DNAJC28: variants seen among roughly 807,000 people sequenced by gnomAD.
DNAJC28 encodes DnaJ heat shock protein family (Hsp40) member C28.
A neutral mutation model predicts 33.3 loss-of-function variants in DNAJC28; 24 were observed. That is an observed-to-expected ratio of 0.72 (90% CI 0.52 to 1.01). DNAJC28 has a LOEUF of 1.01. Among genes scored for constraint, DNAJC28 ranks in the 50% least tolerant of loss-of-function variants. The pLI is 0.00. For synonymous variants in DNAJC28, 120 were observed against 147.2 expected (o/e 0.82, Z 1.34); for missense variants, 442 against 455.2 (o/e 0.97, Z 0.26).
In DNAJC28 at chr21:33,488,112, A is replaced by G. The variant is rs1303764040; in HGVS notation, c.*115T>C. On this transcript the variant is annotated 3_prime_UTR_variant, in exon 2 of 2. Coordinates refer to ENST00000381947, the MANE Select transcript of DNAJC28 (RefSeq NM_001040192.3). ...TCACTCACACATCATTGGCTATGTG[A>G]TTAGTTTTGTGATAAGTACAATGGC... 5 of 828,014 alleles carry G rather than the reference A, an allele frequency of 6.0e-6. No homozygotes were observed. Among genetic ancestry groups the G allele is most frequent in the Non-Finnish European group, 8.8e-6 (5 of 565,510 alleles). The allele number at this position is 828,014 out of a possible 1,614,324, so 51.3% of individuals were successfully genotyped here.
At position 33,488,736 on chromosome 21, in the gene DNAJC28, G is replaced by A. The variant is rs2084488304; in HGVS notation, c.658C>T (p.Leu220Phe). The part of the protein sequence containing the change: ...ESMAKGDFDN[L>F]SGKGKPLKKF... Reference sequence around the variant, plus strand: ...TTCAGAGGTTTTCCTTTCCCACTGAGATTGTCAAAGTCTCCTTTTGCCATG... The same window carrying A: ...TTCAGAGGTTTTCCTTTCCCACTGAAATTGTCAAAGTCTCCTTTTGCCATG... The change falls in exon 2 of 2, where the codon CTC becomes TTC. Residue 220 changes from leucine to phenylalanine, a missense_variant. Physicochemically the swap from Leu to Phe is conservative, Grantham distance 22 (BLOSUM62 0). Transcript: ENST00000381947. The A allele has an allele frequency of 1.2e-6, 2 of 1,611,702 alleles. No homozygotes were observed. Among genetic ancestry groups the A allele is most frequent in the East Asian group, 2.2e-5 (1 of 44,876 alleles).
At position 33,488,089 on chromosome 21, in the gene DNAJC28, A is replaced by G; in HGVS notation, c.*138T>C. On this transcript the variant is annotated 3_prime_UTR_variant, in exon 2 of 2. Transcript: ENST00000381947. ...TCAGGACAAACCTGATAGGTTTCTC[A>G]CTCACACATCATTGGCTATGTGATT... 1.5e-6 allele frequency: 1 copy of G among 682,702 alleles called. No homozygotes were observed. The highest frequency in any genetic ancestry group is 3.7e-5 in the Admixed American group (1 of 26,784). The allele number at this position is 682,702 out of a possible 1,614,324, so 42.3% of individuals were successfully genotyped here. A position where few individuals can be genotyped will look rare whatever the true frequency, so the allele number is the denominator to read the frequency against.
chr21:33,489,818 G>C (rs2084505803), intron 1 of DNAJC28, among the ~76,000 whole-genome samples: 1 of 130,746 alleles, frequency 7.6e-6, no homozygotes, highest in East Asian at 2.2e-4. Context: ...GTCTGAGACA[G>C]GGTCTTGCTC....
At position 33,488,587 on chromosome 21, in the gene DNAJC28, T is replaced by G. The variant is rs146746889; in HGVS notation, c.807A>C (p.Gln269His). 3.3e-5 allele frequency: 53 copies of G among 1,613,792 alleles called. No individual in the cohort carries two copies. The African/African-American group carries it at 6.4e-4, about 19-fold the overall frequency. The change falls in exon 2 of 2, where the codon CAA (glutamine) becomes CAC (histidine). Residue 269 changes from glutamine to histidine, a missense_variant. By Grantham distance (24) the Gln-to-His change is conservative. Transcript: ENST00000381947. ...TAGACACTAAAATTGCCTCTCTGAG[T>G]TGCTCAATAGTATCGCTTATTTCCT... ...KQKEISDTIE[Q>H]LREAILVSRK...
At position 33,488,262 on chromosome 21, in the gene DNAJC28, T is replaced by A. The variant is rs552657108; in HGVS notation, c.1132A>T (p.Asn378Tyr). 3 of 1,521,782 alleles carry A rather than the reference T, an allele frequency of 2.0e-6. No individual in the cohort carries two copies. The South Asian group carries it at 4.1e-5, about 21-fold the overall frequency. The allele number at this position is 1,521,782 out of a possible 1,614,324, so 94.3% of individuals were successfully genotyped here. The change falls in exon 2 of 2, where the codon AAT becomes TAT. Residue 378 changes from asparagine to tyrosine, a missense_variant. Physicochemically the swap from Asn to Tyr is moderately radical, Grantham distance 143 (BLOSUM62 -2). Coordinates refer to ENST00000381947, the MANE Select transcript of DNAJC28 (RefSeq NM_001040192.3). ...EIKKGFLNWM[N>Y]LWKFIKIRSF ...CGTATTTTAATAAATTTCCACAGAT[T>A]CATCCAGTTTAAAAAACCTTTCTTG...
Position 33,489,154 on chromosome 21 carries a change from A to G in DNAJC28, c.240T>C (p.Pro80=). 1 of 1,612,452 alleles carries G rather than the reference A, an allele frequency of 6.2e-7. No individual in the cohort carries two copies. Among genetic ancestry groups the G allele is most frequent in the Non-Finnish European group, 8.5e-7 (1 of 1,179,718 alleles). Residue 80 remains proline, a synonymous_variant, in exon 2 of 2, where the codon CCT becomes CCC. Coordinates refer to ENST00000381947, the MANE Select transcript of DNAJC28 (RefSeq NM_001040192.3). ...SFHKLAKQYH[P]DSGSNTADSA... ...AATCAGCAGTATTAGAGCCACTGTC[A>G]GGATGATATTGCTTGGCAAGCTTAT...
rs374555674 is a variant in DNAJC28 at position 33,489,376 on chromosome 21, C to T, written c.18G>A (p.Val6=). The change falls in exon 2 of 2, where the codon GTG becomes GTA. Residue 6 remains valine (V), a synonymous_variant. Coordinates refer to ENST00000381947, the MANE Select transcript of DNAJC28 (RefSeq NM_001040192.3). ...GAGATCTTAAGATCTGAGCCATCAT[C>T]ACATACATTGTATTCATTATTGTAC... The part of the protein sequence containing the change: MNTMY[V]MMAQILRSHL... 7.8e-6 allele frequency: 12 copies of T among 1,529,284 alleles called. No homozygotes were observed. Among genetic ancestry groups the T allele is most frequent in the Non-Finnish European group, 1.0e-5 (12 of 1,144,510 alleles). 94.7% of individuals were successfully genotyped at this position (1,529,284 alleles called of 1,614,324 possible).
In DNAJC28 at chr21:33,488,671, G is replaced by T. The variant is rs1028315934; in HGVS notation, c.723C>A (p.His241Gln). 1 of 1,612,412 alleles carries T rather than the reference G, an allele frequency of 6.2e-7. No individual in the cohort carries two copies. The highest frequency in any genetic ancestry group is 8.5e-7 in the Non-Finnish European group (1 of 1,179,638). Residue 241 changes from histidine (H) to glutamine (Q), a missense_variant, in exon 2 of 2, where the codon CAC (histidine) becomes CAA (glutamine). His to Gln is a conservative substitution (Grantham distance 24). Coordinates refer to ENST00000381947, the MANE Select transcript of DNAJC28 (RefSeq NM_001040192.3). ...SDCSYIDPMT[H>Q]NLNRILIDNG... The stretch of plus-strand genomic sequence containing the variant: ...TATCGATCAGTATTCGGTTCAGGTT[G>T]TGAGTCATGGGATCAATGTAAGAAC...
Position 33,489,179 on chromosome 21 carries a change from T to C in DNAJC28, c.215A>G (p.His72Arg), listed in dbSNP as rs2084496890. 2 of 1,611,342 alleles carry C rather than the reference T, an allele frequency of 1.2e-6. No homozygotes were observed. Among genetic ancestry groups the C allele is most frequent in the Non-Finnish European group, 1.7e-6 (2 of 1,179,344 alleles). Residue 72 changes from histidine (H) to arginine (R), a missense_variant, in exon 2 of 2, where the codon CAT (histidine) becomes CGT (arginine). By Grantham distance (29) the His-to-Arg change is conservative. Transcript: ENST00000381947. The stretch of plus-strand genomic sequence containing the variant: ...AGGATGATATTGCTTGGCAAGCTTA[T>C]GAAAAGATTCCCTGACTTCATCTGC... ...CSADEVRESF[H>R]KLAKQYHPDS...
chr21:33,490,308 C>T (rs2084511158), intron 1 of DNAJC28, among the ~76,000 whole-genome samples: 2 of 149,962 alleles, frequency 1.3e-5, no homozygotes, highest in African/African-American at 2.5e-5. Context: ...GGCGTTTCAC[C>T]GTGTTAGCCA....
chr21:33,489,359 A>G lies in DNAJC28; in HGVS notation c.35T>C (p.Leu12Ser), dbSNP rs910508996. 1.9e-6 allele frequency: 3 copies of G among 1,541,206 alleles called. No homozygotes were observed. In the Admixed American group the frequency reaches 6.6e-5, roughly 34 times the overall value. Residue 12 changes from leucine to serine, a missense_variant, in exon 2 of 2, where the codon TTA becomes TCA. Physicochemically the swap from Leu to Ser is moderately radical, Grantham distance 145. Coordinates refer to ENST00000381947, the MANE Select transcript of DNAJC28 (RefSeq NM_001040192.3). ...NTMYVMMAQI[L>S]RSHLIKATVI... ...TGTAGCCTTTATCAGGTGAGATCTTAAGATCTGAGCCATCATCACATACAT... is the reference window on the plus strand; with the variant it reads ...TGTAGCCTTTATCAGGTGAGATCTTGAGATCTGAGCCATCATCACATACAT...
chr21:33,490,198 T>G (rs2084510216), intron 1 of DNAJC28, among the ~76,000 whole-genome samples: 1 of 149,454 alleles, frequency 6.7e-6, no homozygotes, highest in Non-Finnish European at 1.5e-5. Flanking sequence ...AACCTCTGCC[T>G]CCCGGGTTCA....
intron 1 of DNAJC28, among the ~76,000 whole-genome samples, chr21:33,489,647 G>A (rs944664960): frequency 1.9e-4 from 28 of 148,628 alleles, no homozygotes; most frequent in African/African-American, 6.0e-4. Flanking sequence ...CCAGAGCCAC[G>A]CCTAGCTAAT....
In DNAJC28 at chr21:33,488,067, G is replaced by T; in HGVS notation, c.*160C>A. The T allele has an allele frequency of 1.7e-6, 1 of 593,506 alleles. No individual in the cohort carries two copies. Among genetic ancestry groups the T allele is most frequent in the South Asian group, 3.6e-5 (1 of 28,062 alleles). 36.8% of individuals were successfully genotyped at this position (593,506 alleles called of 1,614,324 possible). ...ATTTTCTTTTCTTGCTATATCCTCAGGACAAACCTGATAGGTTTCTCACTC... is the reference window on the plus strand; with the variant it reads ...ATTTTCTTTTCTTGCTATATCCTCATGACAAACCTGATAGGTTTCTCACTC... On this transcript the variant is annotated 3_prime_UTR_variant, in exon 2 of 2. Coordinates refer to ENST00000381947, the MANE Select transcript of DNAJC28 (RefSeq NM_001040192.3).
At position 33,489,178 on chromosome 21, in the gene DNAJC28, A is replaced by T. The variant is rs778608553; in HGVS notation, c.216T>A (p.His72Gln). The T allele has an allele frequency of 1.9e-6, 3 of 1,611,404 alleles. No individual in the cohort carries two copies. In the South Asian group the frequency reaches 3.3e-5, roughly 18 times the overall value. The change falls in exon 2 of 2, where the codon CAT becomes CAA. Residue 72 changes from histidine (H) to glutamine (Q), a missense_variant. Transcript: ENST00000381947. ...CSADEVRESF[H>Q]KLAKQYHPDS... Reference sequence around the variant, plus strand: ...CAGGATGATATTGCTTGGCAAGCTTATGAAAAGATTCCCTGACTTCATCTG... The same window carrying T: ...CAGGATGATATTGCTTGGCAAGCTTTTGAAAAGATTCCCTGACTTCATCTG...
At position 33,488,862 on chromosome 21, in the gene DNAJC28, A is replaced by G; in HGVS notation, c.532T>C (p.Tyr178His). ...EYQKQKLQSQ[Y>H]FPDSVIVKNI... ...TTAACAATTACACTATCAGGAAAATACTGGCTTTGTAGTTTCTGCTTTTGA... is the reference window on the plus strand; with the variant it reads ...TTAACAATTACACTATCAGGAAAATGCTGGCTTTGTAGTTTCTGCTTTTGA... The change falls in exon 2 of 2, where the codon TAT becomes CAT. Residue 178 changes from tyrosine (Y) to histidine (H), a missense_variant. Coordinates refer to ENST00000381947, the MANE Select transcript of DNAJC28 (RefSeq NM_001040192.3). 1 of 1,610,306 alleles carries G rather than the reference A, an allele frequency of 6.2e-7. No homozygotes were observed. The highest frequency in any genetic ancestry group is 1.1e-5 in the South Asian group (1 of 89,934).
Position 33,489,086 on chromosome 21 carries a change from A to C in DNAJC28, c.308T>G (p.Leu103Arg), listed in dbSNP as rs766581765. 3.1e-6 allele frequency: 5 copies of C among 1,613,836 alleles called. No individual in the cohort carries two copies. Among genetic ancestry groups the C allele is most frequent in the Non-Finnish European group, 3.4e-6 (4 of 1,179,998 alleles). Residue 103 changes from leucine (L) to arginine (R), a missense_variant, in exon 2 of 2, where the codon CTC becomes CGC. Leu to Arg is a moderately radical substitution (Grantham distance 102). Transcript: ENST00000381947. ...IRIEKAYRKV[L>R]SHVIEQTNAS... Reference sequence around the variant, plus strand: ...ATTTGTTTGTTCTATCACATGGGAGAGCACCTTTCTATAAGCTTTTTCAAT... The same window carrying C: ...ATTTGTTTGTTCTATCACATGGGAGCGCACCTTTCTATAAGCTTTTTCAAT...
Position 33,488,998 on chromosome 21 carries a change from T to C in DNAJC28, c.396A>G (p.Gln132=). 2.5e-6 allele frequency: 4 copies of C among 1,612,620 alleles called. No homozygotes were observed. The change falls in exon 2 of 2, where the codon CAA becomes CAG. Residue 132 remains glutamine, a synonymous_variant. Coordinates refer to ENST00000381947, the MANE Select transcript of DNAJC28 (RefSeq NM_001040192.3). The part of the protein sequence containing the change: ...DVEKFKYKTP[Q]HRHYLSFEGI... ...CTTCAAAACTTAAATAATGTCGGTG[T>C]TGGGGTGTTTTATATTTGAATTTTT...
At position 33,488,641 on chromosome 21, in the gene DNAJC28, T is replaced by C. The variant is rs752787238; in HGVS notation, c.753A>G (p.Gly251=). The C allele has an allele frequency of 1.2e-6, 2 of 1,614,042 alleles. No homozygotes were observed. Among genetic ancestry groups the C allele is most frequent in the South Asian group, 1.1e-5 (1 of 91,024 alleles). Residue 251 remains glycine (G), a synonymous_variant, in exon 2 of 2, where the codon GGA becomes GGG. Transcript: ENST00000381947. ...GCTTAAGGATCCATTCTGGTTGGTA[T>C]CCATTATCGATCAGTATTCGGTTCA... ...HNLNRILIDN[G]YQPEWILKQK...
Sources: allele counts gnomAD v4.1 joint callset (sites outside exome capture counted in the v4.1 genomes callset), GRCh38; gene constraint gnomAD v4.1.1; transcripts MANE v1.5; gene names NCBI Gene and HGNC (gene_info 2026-07-23, HGNC 2026-07-21).